RPS6KA5: variants seen among roughly 807,000 people sequenced by gnomAD.
The protein encoded by RPS6KA5 is ribosomal protein S6 kinase A5, also known as ribosomal protein S6 kinase alpha-5.
A neutral mutation model predicts 85.5 loss-of-function variants in RPS6KA5; 27 were observed. The ratio of observed to expected loss-of-function variants is 0.32; its 90% CI spans 0.23 to 0.44. RPS6KA5 has a LOEUF of 0.44. Among genes scored for constraint, RPS6KA5 ranks in the 20% least tolerant of loss-of-function variants. The pLI, the probability that RPS6KA5 is intolerant of heterozygous loss-of-function variation, is 1.00. For missense variants in RPS6KA5, 811 were observed against 980.9 expected, an observed-to-expected ratio of 0.83 and a Z score of 2.31; for synonymous variants, 334 against 348.2, an observed-to-expected ratio of 0.96 and a Z score of 0.46.
At chr14:90,992,104 A>G (rs1279749602) in intron 2 of RPS6KA5, among the ~76,000 whole-genome samples, 1 of 152,190 alleles carries the variant, frequency 6.6e-6, no homozygotes, top group African/African-American at 2.4e-5. Context: ...AAAAAAATTT[A>G]TCTTAAAAAG....
chr14:90,986,208 A>G (rs2040047256), intron 2 of RPS6KA5, among the ~76,000 whole-genome samples: 1 of 152,212 alleles, frequency 6.6e-6, no homozygotes, highest in Non-Finnish European at 1.5e-5. Context: ...AAATGTTCAA[A>G]AAATATATAA....
At chr14:90,943,231 AT>A in intron 4 of RPS6KA5, 46 bp from the exon 5 acceptor site, 1 of 1,130,856 alleles carries the variant, frequency 8.8e-7, no homozygotes, top group Non-Finnish European at 1.3e-6. Flanking sequence ...TTACAAAAAA[AT>A]GAATTAGGGC....
At chr14:90,976,805 G>A (rs914727893) in intron 3 of RPS6KA5, among the ~76,000 whole-genome samples, 1 of 152,098 alleles carries the variant, frequency 6.6e-6, no homozygotes, top group Admixed American at 6.6e-5. Flanking sequence ...TTAATTGATG[G>A]TAAGCATTGC....
At chr14:91,034,109 C>A (rs939993035) in intron 1 of RPS6KA5, among the ~76,000 whole-genome samples, 1 of 152,048 alleles carries the variant, frequency 6.6e-6, no homozygotes, top group African/African-American at 2.4e-5. Context: ...GCATTAGAGA[C>A]CAGCCTGGGC....
intron 3 of RPS6KA5, among the ~76,000 whole-genome samples, chr14:90,957,135 G>A (rs1407123723): frequency 6.6e-6 from 1 of 152,016 alleles, no homozygotes; most frequent in Non-Finnish European, 1.5e-5. Context: ...CACAAACTCA[G>A]CTCACTGCAA....
chr14:91,007,869 T>C (rs2041094519), intron 1 of RPS6KA5, among the ~76,000 whole-genome samples: 1 of 152,182 alleles, frequency 6.6e-6, no homozygotes, highest in African/African-American at 2.4e-5. Context: ...TTCACTGTTT[T>C]TTGAAAAAAT....
In RPS6KA5 at chr14:90,853,861, A is replaced by G. The variant is rs1419834539; in HGVS notation, c.*18213T>C. Reference sequence around the variant, plus strand: ...TATGTGTATCCCATTATTCATTTAAAAAGAAACGAACACAAATATTTCACA... The same window carrying G: ...TATGTGTATCCCATTATTCATTTAAGAAGAAACGAACACAAATATTTCACA... On this transcript the variant is annotated 3_prime_UTR_variant, in exon 17 of 17. Coordinates refer to ENST00000614987, the MANE Select transcript of RPS6KA5 (RefSeq NM_004755.4). 6.6e-6 allele frequency: 1 copy of G among 152,210 alleles called. No individual in the cohort carries two copies. Among genetic ancestry groups the G allele is most frequent in the Non-Finnish European group, 1.5e-5 (1 of 68,040 alleles). The allele number at this position is 152,210 out of a possible 1,614,324, so 9.4% of individuals were successfully genotyped here. A position where few individuals can be genotyped will look rare whatever the true frequency, so the allele number is the denominator to read the frequency against.
At chr14:90,966,494 AT>A (rs1212462977) in intron 3 of RPS6KA5, among the ~76,000 whole-genome samples, 1 of 152,248 alleles carries the variant, frequency 6.6e-6, no homozygotes, top group African/African-American at 2.4e-5. Flanking sequence ...GACATAAAAA[AT>A]ATCTCCAAAG....
chr14:91,005,976 C>G (rs1426245511), intron 1 of RPS6KA5, among the ~76,000 whole-genome samples: 1 of 152,158 alleles, frequency 6.6e-6, no homozygotes, highest in Non-Finnish European at 1.5e-5. Flanking sequence ...AGAAACAGAC[C>G]TGTTAGAATT....
chr14:90,981,366 C>T (rs1193592935), intron 2 of RPS6KA5, among the ~76,000 whole-genome samples: 1 of 152,148 alleles, frequency 6.6e-6, no homozygotes, highest in African/African-American at 2.4e-5. Flanking sequence ...GACTCCGAGA[C>T]CTCTCACCAC....
chr14:90,876,603 T>C (rs2033493866), intron 14 of RPS6KA5, among the ~76,000 whole-genome samples: 1 of 152,216 alleles, frequency 6.6e-6, no homozygotes, highest in African/African-American at 2.4e-5. Context: ...TTTTTGGTCT[T>C]GCAGAGATGG....
intron 1 of RPS6KA5, among the ~76,000 whole-genome samples, chr14:91,008,453 A>G (rs1770409489): frequency 6.6e-6 from 1 of 152,202 alleles, no homozygotes; most frequent in African/African-American, 2.4e-5. Flanking sequence ...CTGGTTAGAA[A>G]AGCTCATTGA....
rs373910214 is a variant in RPS6KA5 at position 90,974,639 on chromosome 14, G to T, written c.394+3667C>A. Reference sequence around the variant, plus strand: ...GATACTACCATGCTATGAAAAAGCTGATCTACTGTACTGGAGGATGAGAGG... The same window carrying T: ...GATACTACCATGCTATGAAAAAGCTTATCTACTGTACTGGAGGATGAGAGG... On this transcript the variant is annotated intron_variant, in intron 3 of 16. Transcript: ENST00000614987. Among the ~76,000 whole-genome samples, 13 of 152,282 alleles carry T rather than the reference G, an allele frequency of 8.5e-5. 1 individual carries two copies. Among genetic ancestry groups the T allele is most frequent in the Admixed American group, 2.6e-4 (4 of 15,292 alleles).
chr14:90,870,484 A>G lies in RPS6KA5; in HGVS notation c.*1590T>C, dbSNP rs536236536. On this transcript the variant is annotated 3_prime_UTR_variant, in exon 17 of 17. Transcript: ENST00000614987. ...TTTTGAAAATATTTTAATATTTGCC[A>G]TTTTTTGCCTGTGCTATTAATATAT... 5.3e-5 allele frequency: 8 copies of G among 152,128 alleles called. No homozygotes were observed. Among genetic ancestry groups the G allele is most frequent in the Admixed American group, 2.6e-4 (4 of 15,272 alleles). 9.4% of individuals were successfully genotyped at this position (152,128 alleles called of 1,614,324 possible).
At chr14:90,926,663 A>AAG (rs1491428194) in intron 5 of RPS6KA5, among the ~76,000 whole-genome samples, 1 of 86,286 alleles carries the variant, frequency 1.2e-5, no homozygotes, top group African/African-American at 6.2e-5. Context: ...ATATATATTT[A>AAG]AGTGTGTGTG....
At position 91,044,645 on chromosome 14, in the gene RPS6KA5, G is replaced by A. The variant is rs150759884; in HGVS notation, c.103+15687C>T. On this transcript the variant is annotated intron_variant, in intron 1 of 16. Transcript: ENST00000614987. ...TTCCAGCACTTTTGGAGGCCGAGGC[G>A]GGTGAATCACGAGGTCAGCAGTTCG... is the stretch of plus-strand genomic sequence containing the variant. 1.9e-3 allele frequency among the ~76,000 whole-genome samples: 291 copies of A among 152,084 alleles called. 2 individuals carry two copies. In the East Asian group the frequency reaches 0.028, roughly 15 times the overall value.
Position 90,875,313 on chromosome 14 carries a change from A to C in RPS6KA5, c.1884T>G (p.Ser628Arg). Residue 628 changes from serine to arginine, a missense_variant, in exon 15 of 17, where the codon AGT (serine) becomes AGG (arginine). Ser to Arg is a moderately radical substitution (Grantham distance 110). This residue lies in a region of RPS6KA5 where 650 missense variants were observed against 793.4 expected (regional missense o/e 0.82). Coordinates refer to ENST00000614987, the MANE Select transcript of RPS6KA5 (RefSeq NM_004755.4). ...GQVPFQSHDRSLTCTSAVEIM... is the reference protein window; with the variant it reads ...GQVPFQSHDRRLTCTSAVEIM... ...TTTCCACCGCGCTGGTACACGTCAA[A>C]CTTCGGTCATGAGATTGGAAGGGAA... is the stretch of plus-strand genomic sequence containing the variant. The C allele has an allele frequency of 6.2e-7, 1 of 1,613,946 alleles. No homozygotes were observed. Among genetic ancestry groups the C allele is most frequent in the Non-Finnish European group, 8.5e-7 (1 of 1,179,888 alleles).
intron 14 of RPS6KA5, among the ~76,000 whole-genome samples, chr14:90,877,211 G>A (rs1014461887): frequency 3.9e-5 from 6 of 152,184 alleles, no homozygotes; most frequent in Non-Finnish European, 5.9e-5. Context: ...ATGAGAATGC[G>A]CAGAGTTTGA....
At chr14:90,880,978 G>A (rs1334535469) in intron 14 of RPS6KA5, among the ~76,000 whole-genome samples, 2 of 151,722 alleles carry the variant, frequency 1.3e-5, no homozygotes, top group Non-Finnish European at 1.5e-5. Context: ...GAGACTACAG[G>A]CACATGCTAC....
Sources: gnomAD v4.1 joint callset for allele counts (sites outside exome capture counted in the v4.1 genomes callset) on GRCh38, gnomAD v4.1.1 for gene constraint, gnomAD v4.1.1 regional missense constraint, MANE v1.5 for transcripts, NCBI Gene and HGNC (gene_info 2026-07-23, HGNC 2026-07-21) for gene names.